CCDC180: variants seen among roughly 807,000 people sequenced by gnomAD.
CCDC180 encodes coiled-coil domain-containing protein 180.
A neutral mutation model predicts 209.2 loss-of-function variants in CCDC180; 154 were observed. The observed-to-expected ratio is 0.74, with a 90% CI of 0.65 to 0.84. The LOEUF (loss-of-function observed/expected upper bound fraction) is 0.84. Ranked by LOEUF, CCDC180 falls within the 40% of genes least tolerant of loss-of-function variation. The pLI, the probability that CCDC180 is intolerant of heterozygous loss-of-function variation, is 0.00. For synonymous variants in CCDC180, 778 were observed against 749.1 expected (o/e 1.04, Z -0.63); for missense variants, 1,874 against 1,997.3 (o/e 0.94, Z 1.18).
rs764932530 is a variant in CCDC180 at position 97,371,641 on chromosome 9, C to A, written c.4535C>A (p.Thr1512Asn). ...NGQVFITNLA[T>N]FTEKFLLQLD... ...CAGGTTTTCATAACCAACTTGGCCA[C>A]CTTCACCGAGAAGTTCCTACTGCAG... Residue 1512 changes from threonine (T) to asparagine (N), a missense_variant, in exon 34 of 37, where the codon ACC becomes AAC. By Grantham distance (65) the Thr-to-Asn change is moderately conservative. Transcript: ENST00000529487. The A allele has an allele frequency of 1.9e-6, 3 of 1,608,500 alleles. No homozygotes were observed. Among genetic ancestry groups the A allele is most frequent in the Non-Finnish European group, 2.6e-6 (3 of 1,175,450 alleles).
At chr9:97,324,277 G>A (rs938936248) in intron 13 of CCDC180, among the ~76,000 whole-genome samples, 1 of 152,182 alleles carries the variant, frequency 6.6e-6, no homozygotes, top group Non-Finnish European at 1.5e-5. Context: ...TTTAGGCTCT[G>A]TGGGCCATCA....
intron 36 of CCDC180, 153 bp downstream of exon 36, chr9:97,375,742 C>T (rs1335090382): frequency 9.5e-6 from 8 of 839,970 alleles, no homozygotes; most frequent in African/African-American, 1.7e-5. Context: ...TCTCAACACT[C>T]AGGACAGTCA....
chr9:97,313,516 T>C (rs1833060170), intron 5 of CCDC180, among the ~76,000 whole-genome samples, 171 bp downstream of exon 5: 2 of 152,144 alleles, frequency 1.3e-5, no homozygotes. Context: ...TTATGAGTGT[T>C]TGTGGGCACA....
chr9:97,347,349 GGTTTGACCAGT>G lies in CCDC180; in HGVS notation c.2538_2548del (p.Asp847ProfsTer13). 6.5e-7 allele frequency: 1 copy of G among 1,536,096 alleles called. No individual in the cohort carries two copies. Among genetic ancestry groups the G allele is most frequent in the South Asian group, 1.2e-5 (1 of 84,056 alleles). Reference sequence around the variant, plus strand: ...GGCTTCTTCGAGCACCTTGAGAAGTGGTTTGACCAGTGTTCCCTCAACACCCGGGTCACCGT... The same window carrying G: ...GGCTTCTTCGAGCACCTTGAGAAGTGGTTCCCTCAACACCCGGGTCACCGT... On this transcript the variant is annotated frameshift_variant, in exon 20 of 37. Transcript: ENST00000529487. LOFTEE classifies it high-confidence loss of function.
intron 3 of CCDC180, 61 bp downstream of exon 3, chr9:97,309,665 C>T: frequency 7.4e-7 from 1 of 1,357,564 alleles, no homozygotes; most frequent in Non-Finnish European, 9.8e-7. Flanking sequence ...TTCAAAAACT[C>T]AAAAAGAGCC....
intron 25 of CCDC180, among the ~76,000 whole-genome samples, chr9:97,359,777 G>T (rs952193898): frequency 1.3e-5 from 2 of 152,054 alleles, no homozygotes; most frequent in African/African-American, 4.8e-5. Context: ...AGGGTGCGTT[G>T]TCCTTCACTG....
intron 14 of CCDC180, among the ~76,000 whole-genome samples, chr9:97,325,805 T>G (rs1406577579): frequency 6.6e-6 from 1 of 152,154 alleles, no homozygotes; most frequent in Non-Finnish European, 1.5e-5. Flanking sequence ...CAGCCTGAGC[T>G]CTCTCTCATT....
In CCDC180 at chr9:97,374,570, C is replaced by T. The variant is rs769143836; in HGVS notation, c.4628C>T (p.Ser1543Leu). Residue 1543 changes from serine (S) to leucine (L), a missense_variant, in exon 35 of 37, where the codon TCA becomes TTA. Transcript: ENST00000529487. ...ATGGAGCCCCCCAAACAGAAATTAT[C>T]AATGCTCATACGAAGGAAACTCGCT... ...ARMEPPKQKL[S>L]MLIRRKLAGL... 31 of 1,613,934 alleles carry T rather than the reference C, an allele frequency of 1.9e-5. No individual in the cohort carries two copies. In the South Asian group the frequency reaches 2.9e-4, roughly 15 times the overall value.
At position 97,361,724 on chromosome 9, in the gene CCDC180, A is replaced by G. The variant is rs1344921866; in HGVS notation, c.3484-2A>G. 1.2e-6 allele frequency: 2 copies of G among 1,613,848 alleles called. No individual in the cohort carries two copies. The highest frequency in any genetic ancestry group is 1.7e-6 in the Non-Finnish European group (2 of 1,179,930). On this transcript the variant is annotated splice_acceptor_variant, in intron 26 of 36. Transcript: ENST00000529487. LOFTEE classifies it high-confidence loss of function. ...CCTCAGGCCCTTCTCTCTGGCCTGCAGAACACCATCCTGAAGGACCAGGAG... is the reference window on the plus strand; with the variant it reads ...CCTCAGGCCCTTCTCTCTGGCCTGCGGAACACCATCCTGAAGGACCAGGAG...
In CCDC180 at chr9:97,322,705, C is replaced by T. The variant is rs1272287430; in HGVS notation, c.1160-128C>T. The stretch of plus-strand genomic sequence containing the variant: ...GGGGACCCCAGCCCCTGATCTCAAT[C>T]GGGACCACTGATCTTCACCTAAATA... On this transcript the variant is annotated intron_variant, in intron 11 of 36. Transcript: ENST00000529487. The T allele has an allele frequency of 4.5e-5, 34 of 754,188 alleles. No individual in the cohort carries two copies. The Admixed American group carries it at 6.2e-4, about 14-fold the overall frequency. The allele number at this position is 754,188 out of a possible 1,614,324, so 46.7% of individuals were successfully genotyped here. A position where few individuals can be genotyped will look rare whatever the true frequency, so the allele number is the denominator to read the frequency against.
At chr9:97,318,215 C>T (rs1833240082) in intron 9 of CCDC180, among the ~76,000 whole-genome samples, 1 of 152,212 alleles carries the variant, frequency 6.6e-6, no homozygotes, top group Admixed American at 6.5e-5. Flanking sequence ...TGCCAGAGCT[C>T]CATTGACCTG....
At position 97,309,514 on chromosome 9, in the gene CCDC180, C is replaced by G; in HGVS notation, c.170C>G (p.Thr57Ser). The change falls in exon 3 of 37, where the codon ACT becomes AGT. Residue 57 changes from threonine to serine, a missense_variant. Physicochemically the swap from Thr to Ser is moderately conservative, Grantham distance 58 (BLOSUM62 1). Coordinates refer to ENST00000529487, the MANE Select transcript of CCDC180 (RefSeq NM_020893.6). The part of the protein sequence containing the change: ...GRIPMMKKVE[T>S]PEGEVMSPRQ... ...ATACCCATGATGAAGAAGGTGGAGA[C>G]TCCTGAAGGGGAGGTGATGTCTCCC... 1 of 1,604,818 alleles carries G rather than the reference C, an allele frequency of 6.2e-7. No homozygotes were observed. Among genetic ancestry groups the G allele is most frequent in the Non-Finnish European group, 8.5e-7 (1 of 1,175,984 alleles).
intron 8 of CCDC180, 72 bp downstream of exon 8, chr9:97,315,018 G>A (rs1833118036): frequency 1.7e-6 from 2 of 1,153,816 alleles, no homozygotes; most frequent in Admixed American, 1.8e-5. Flanking sequence ...GGCACCCCGA[G>A]CCTGGTGTCT....
chr9:97,324,843 G>A (rs1429967217), intron 13 of CCDC180, among the ~76,000 whole-genome samples, 176 bp from the exon 14 acceptor site: 3 of 152,182 alleles, frequency 2.0e-5, no homozygotes, highest in Non-Finnish European at 2.9e-5. Flanking sequence ...GACCTGAAAC[G>A]CTGCCCTAGG....
At position 97,328,160 on chromosome 9, in the gene CCDC180, G is replaced by A. The variant is rs747853227; in HGVS notation, c.1788+14G>A. 6.2e-7 allele frequency: 1 copy of A among 1,611,894 alleles called. No homozygotes were observed. The highest frequency in any genetic ancestry group is 1.1e-5 in the South Asian group (1 of 90,700). The stretch of plus-strand genomic sequence containing the variant: ...ATCTTTGAACAGGTATGGAGAGGGT[G>A]ATGATACACCCAGCCACTCATGAAG... On this transcript the variant is annotated intron_variant, in intron 16 of 36. Coordinates refer to ENST00000529487, the MANE Select transcript of CCDC180 (RefSeq NM_020893.6).
chr9:97,357,658 T>G lies in CCDC180; in HGVS notation c.3296T>G (p.Leu1099Ter). The part of the protein sequence containing the change: ...VAKSNSQTNG[L>*]NFSLQQLQNK... ...AAATCCAATTCGCAAACAAATGGAT[T>G]AAATTTCTCTCTGCAACAGCTTCAG... Residue 1099 changes from leucine to a stop codon, truncating the protein, a stop_gained, in exon 25 of 37, where the codon TTA (leucine) becomes TGA (stop). Transcript: ENST00000529487. LOFTEE classifies it high-confidence loss of function. The G allele has an allele frequency of 6.2e-7, 1 of 1,613,422 alleles. No individual in the cohort carries two copies. The highest frequency in any genetic ancestry group is 8.5e-7 in the Non-Finnish European group (1 of 1,179,850).
At chr9:97,359,853 G>A in intron 25 of CCDC180, 129 bp from the exon 26 acceptor site, 1 of 1,222,620 alleles carries the variant, frequency 8.2e-7, no homozygotes, top group Non-Finnish European at 1.2e-6. Context: ...TTCCCTGCAT[G>A]TGAGGAGCCT....
At chr9:97,369,123 C>T (rs935520581) in intron 31 of CCDC180, among the ~76,000 whole-genome samples, 6 of 152,048 alleles carry the variant, frequency 3.9e-5, no homozygotes, top group Non-Finnish European at 8.8e-5. Context: ...TTACATATAG[C>T]TGAAAGTAGA....
At chr9:97,342,851 T>A (rs140533118) in intron 18 of CCDC180, among the ~76,000 whole-genome samples, 2 of 152,242 alleles carry the variant, frequency 1.3e-5, no homozygotes, top group Non-Finnish European at 2.9e-5. Flanking sequence ...ATAAAATAAA[T>A]CTTGTCCTCA....
Sources: allele counts gnomAD v4.1 joint callset (sites outside exome capture counted in the v4.1 genomes callset), GRCh38; gene constraint gnomAD v4.1.1; transcripts MANE v1.5; gene names NCBI Gene and HGNC (gene_info 2026-07-23, HGNC 2026-07-21).